The following IQGAP2 variants were observed in gnomAD, a reference collection of about 807,000 sequenced individuals.
IQGAP2 encodes the protein ras GTPase-activating-like protein IQGAP2.
Under a neutral mutation model 201.3 loss-of-function variants are expected in IQGAP2, and 173 were observed. The observed-to-expected ratio is 0.86, with a 90% confidence interval of 0.76 to 0.98. IQGAP2 has a LOEUF of 0.98. Among genes scored for constraint, IQGAP2 ranks in the 50% least tolerant of loss-of-function variants. IQGAP2 has a pLI of 0.00. For missense variants in IQGAP2, 1,687 were observed against 1,864.8 expected (o/e 0.90, Z 1.76); for synonymous variants, 675 against 673.9 (o/e 1.00, Z -0.03).
At chr5:76,429,818 A>C (rs751557623) in intron 1 of IQGAP2, among the ~76,000 whole-genome samples, 14 of 150,940 alleles carry the variant, frequency 9.3e-5, no homozygotes, top group Admixed American at 4.6e-4. Flanking sequence ...AAGTTCACTA[A>C]GGATTTGCAT....
intron 33 of IQGAP2, among the ~76,000 whole-genome samples, chr5:76,699,946 TCTCGTG>T: frequency 8.2e-6 from 1 of 122,584 alleles, no homozygotes; most frequent in African/African-American, 3.1e-5. Context: ...TCTCTCTCAC[TCTCGTG>T]CTCTCTCTCT....
In IQGAP2 at chr5:76,602,281, A is replaced by G. The variant is rs370817194; in HGVS notation, c.1232+1309A>G. ...TGCCATACTTTCTCAGTGCTAGAGT[A>G]GAAGACAGACCCGGTCAATCCCTTA... On this transcript the variant is annotated intron_variant, in intron 11 of 35. Coordinates refer to ENST00000274364, the MANE Select transcript of IQGAP2 (RefSeq NM_006633.5). 1.9e-3 allele frequency among the ~76,000 whole-genome samples: 290 copies of G among 152,328 alleles called. 2 individuals carry two copies. Among genetic ancestry groups the G allele is most frequent in the African/African-American group, 6.6e-3 (276 of 41,574 alleles).
chr5:76,509,029 ATGTGTG>A (rs70982616), intron 2 of IQGAP2, among the ~76,000 whole-genome samples: 8,128 of 148,934 alleles, frequency 0.055, 487 homozygotes, highest in East Asian at 0.35. Flanking sequence ...CTGTATATAT[ATGTGTG>A]TGTGTGTGTG....
At chr5:76,518,280 G>A (rs1201309031) in intron 2 of IQGAP2, among the ~76,000 whole-genome samples, 2 of 152,120 alleles carry the variant, frequency 1.3e-5, no homozygotes, top group Non-Finnish European at 2.9e-5. Flanking sequence ...ATATTTAATT[G>A]GACTTACAGT....
chr5:76,426,907 T>G (rs915876749), intron 1 of IQGAP2, among the ~76,000 whole-genome samples: 10 of 141,958 alleles, frequency 7.0e-5, no homozygotes, highest in African/African-American at 5.1e-5. Flanking sequence ...CCATGGAGGG[T>G]GTGTGTGTGT....
At chr5:76,416,907 C>A (rs900961489) in intron 1 of IQGAP2, among the ~76,000 whole-genome samples, 1 of 152,166 alleles carries the variant, frequency 6.6e-6, no homozygotes, top group African/African-American at 2.4e-5. Context: ...CAGCTCACTG[C>A]AGCCTCCAGC....
chr5:76,610,050 T>TCTC (rs1748154396), intron 12 of IQGAP2, among the ~76,000 whole-genome samples: 1 of 19,066 alleles, frequency 5.2e-5, no homozygotes, highest in Non-Finnish European at 7.9e-5. Flanking sequence ...TGTTCTCTCT[T>TCTC]TCTCTCTCTC....
intron 1 of IQGAP2, among the ~76,000 whole-genome samples, chr5:76,430,851 C>T (rs74412209): frequency 0.032 from 4,892 of 152,076 alleles, 260 homozygotes; most frequent in African/African-American, 0.11. Context: ...AAAATAATTG[C>T]GTTCAGTAGC....
intron 2 of IQGAP2, among the ~76,000 whole-genome samples, chr5:76,509,401 CTT>C (rs781214232): frequency 3.5e-5 from 5 of 143,412 alleles, no homozygotes; most frequent in Admixed American, 7.0e-5. Flanking sequence ...ATTCCTTGTC[CTT>C]TTTTTTTTTT....
Position 76,640,997 on chromosome 5 carries a change from T to C in IQGAP2, c.1988T>C (p.Leu663Ser). Residue 663 changes from leucine (L) to serine (S), a missense_variant, in exon 17 of 36, where the codon TTG (leucine) becomes TCG (serine). Coordinates refer to ENST00000274364, the MANE Select transcript of IQGAP2 (RefSeq NM_006633.5). Reference protein sequence around the residue: ...RENIWSASEELLLRFQATSSG... With the variant: ...RENIWSASEESLLRFQATSSG... ...AATATATGGTCTGCTTCAGAAGAGT[T>C]GCTTCTTCGCTTTCAAGCCACAAGC... The C allele has an allele frequency of 6.2e-7, 1 of 1,610,374 alleles. No homozygotes were observed. Among genetic ancestry groups the C allele is most frequent in the South Asian group, 1.1e-5 (1 of 90,976 alleles).
intron 2 of IQGAP2, among the ~76,000 whole-genome samples, chr5:76,478,356 G>A (rs766091559): frequency 6.6e-6 from 1 of 152,150 alleles, no homozygotes; most frequent in Non-Finnish European, 1.5e-5. Flanking sequence ...AGCCGAGATC[G>A]TGCCACTGCA....
At chr5:76,456,558 A>G (rs1200740800) in intron 1 of IQGAP2, among the ~76,000 whole-genome samples, 1 of 152,084 alleles carries the variant, frequency 6.6e-6, no homozygotes. Context: ...GTGTCTTGGA[A>G]TCAGTTCTCT....
At chr5:76,682,292 T>C (rs529988186) in intron 28 of IQGAP2, among the ~76,000 whole-genome samples, 17 of 152,308 alleles carry the variant, frequency 1.1e-4, no homozygotes, top group Admixed American at 9.2e-4. Context: ...ATGCAGAGTT[T>C]TATAAAATAG....
At chr5:76,622,533 T>C (rs974037891) in intron 13 of IQGAP2, among the ~76,000 whole-genome samples, 2 of 152,216 alleles carry the variant, frequency 1.3e-5, no homozygotes, top group African/African-American at 4.8e-5. Flanking sequence ...CCAAATTTGT[T>C]ATTTTTGGAA....
At chr5:76,571,984 C>T (rs1745145925) in intron 4 of IQGAP2, among the ~76,000 whole-genome samples, 1 of 152,198 alleles carries the variant, frequency 6.6e-6, no homozygotes, top group African/African-American at 2.4e-5. Flanking sequence ...AATCAAGACA[C>T]AGACACACAG....
chr5:76,445,160 A>T (rs1446966834), intron 1 of IQGAP2, among the ~76,000 whole-genome samples: 1 of 152,188 alleles, frequency 6.6e-6, no homozygotes, highest in Non-Finnish European at 1.5e-5. Context: ...CCATTTCTAC[A>T]TGAAATGATT....
chr5:76,589,143 C>G (rs1746456677), intron 6 of IQGAP2, among the ~76,000 whole-genome samples, 170 bp downstream of exon 6: 1 of 151,450 alleles, frequency 6.6e-6, no homozygotes, highest in Non-Finnish European at 1.5e-5. Flanking sequence ...AACCCCGTCT[C>G]TACTAAAAAA....
intron 28 of IQGAP2, among the ~76,000 whole-genome samples, chr5:76,680,101 G>A (rs796300841): frequency 1.8e-4 from 27 of 152,294 alleles, no homozygotes; most frequent in African/African-American, 5.8e-4. Flanking sequence ...AGAAGAGAAC[G>A]GAAAAGGCAG....
intron 1 of IQGAP2, among the ~76,000 whole-genome samples, chr5:76,433,761 G>A (rs1314939246): frequency 3.3e-5 from 5 of 152,254 alleles, no homozygotes; most frequent in Middle Eastern, 3.4e-3. Context: ...CGTAGAGATC[G>A]GTGAATATCA....
Sources: gnomAD v4.1 joint callset for allele counts (sites outside exome capture counted in the v4.1 genomes callset) on GRCh38, gnomAD v4.1.1 for gene constraint, MANE v1.5 for transcripts, NCBI Gene and HGNC (gene_info 2026-07-23, HGNC 2026-07-21) for gene names.